DST: variants seen among roughly 807,000 people sequenced by gnomAD.
DST encodes bullous pemphigoid antigen.
Under a neutral mutation model 875.2 loss-of-function variants are expected in DST, and 253 were observed. That is an observed-to-expected ratio of 0.29 (90% confidence interval 0.26 to 0.32). The LOEUF (loss-of-function observed/expected upper bound fraction) is 0.32. Among genes scored for constraint, DST ranks in the 10% least tolerant of loss-of-function variants. The probability of loss-of-function intolerance (pLI) is 1.00; values close to 1 mark genes in which losing one functional copy is unlikely to be tolerated. For missense variants in DST, 8,287 were observed against 9,111.6 expected (o/e 0.91, Z 3.68); for synonymous variants, 3,124 against 3,197.1 (o/e 0.98, Z 0.77).
intron 2 of DST, among the ~76,000 whole-genome samples, chr6:56,927,890 G>C (rs749589835): frequency 7.2e-5 from 11 of 152,162 alleles, no homozygotes; most frequent in Non-Finnish European, 1.6e-4. Context: ...GACCATAAAT[G>C]CAAGGAAGCA....
chr6:56,837,758 A>G (rs778820347), intron 4 of DST, among the ~76,000 whole-genome samples: 3 of 152,068 alleles, frequency 2.0e-5, no homozygotes, highest in Non-Finnish European at 4.4e-5. Context: ...CTCCTCTTGG[A>G]GTTTTCCTCC....
At chr6:56,902,746 A>G (rs1168700833) in intron 2 of DST, among the ~76,000 whole-genome samples, 1 of 152,208 alleles carries the variant, frequency 6.6e-6, no homozygotes, top group African/African-American at 2.4e-5. Context: ...CACGTAACTC[A>G]GGAGGTACTA....
intron 36 of DST, chr6:56,615,925 G>A: frequency 6.2e-7 from 1 of 1,614,138 alleles, no homozygotes; most frequent in African/African-American, 1.3e-5. Context: ...GCAGCTGCTG[G>A]GCAAACCCCT....
intron 4 of DST, among the ~76,000 whole-genome samples, chr6:56,837,656 A>G (rs2099795299): frequency 6.6e-6 from 1 of 152,052 alleles, no homozygotes; most frequent in Non-Finnish European, 1.5e-5. Context: ...AATTCTAACC[A>G]ATCCTTTCCC....
chr6:56,577,854 C>G (rs1374726735), intron 50 of DST, among the ~76,000 whole-genome samples: 1 of 152,096 alleles, frequency 6.6e-6, no homozygotes, highest in Non-Finnish European at 1.5e-5. Context: ...TTGGTATAAA[C>G]TAAATACTGT....
chr6:56,653,781 C>T (rs2098989118), intron 10 of DST, among the ~76,000 whole-genome samples: 1 of 152,164 alleles, frequency 6.6e-6, no homozygotes, highest in African/African-American at 2.4e-5. Context: ...GTGGTGGTCC[C>T]TTTGTCTTTC....
chr6:56,759,776 G>A (rs551442985), intron 4 of DST, among the ~76,000 whole-genome samples: 1 of 152,258 alleles, frequency 6.6e-6, no homozygotes, highest in African/African-American at 2.4e-5. Context: ...GTGTGAATCT[G>A]ACTGGATGTG....
intron 3 of DST, among the ~76,000 whole-genome samples, chr6:56,892,404 G>T (rs1788027286): frequency 6.7e-6 from 1 of 148,480 alleles, no homozygotes; most frequent in African/African-American, 2.5e-5. Flanking sequence ...GCTTACTGCA[G>T]CCTGGAACTC....
At chr6:56,763,932 T>G (rs1475171224) in intron 4 of DST, among the ~76,000 whole-genome samples, 1 of 152,112 alleles carries the variant, frequency 6.6e-6, no homozygotes, top group Admixed American at 6.5e-5. Context: ...GAGCTCCCTC[T>G]AATGAAACTA....
chr6:56,552,425 G>A lies in DST; in HGVS notation c.16367C>T (p.Ser5456Phe), dbSNP rs1240644650. 2.5e-6 allele frequency: 4 copies of A among 1,613,840 alleles called. No individual in the cohort carries two copies. Among genetic ancestry groups the A allele is most frequent in the Non-Finnish European group, 3.4e-6 (4 of 1,179,884 alleles). Residue 5456 changes from serine (S) to phenylalanine (F), a missense_variant, in exon 61 of 104, where the codon TCT becomes TTT. Around this residue, in one of 10 missense-constraint regions of DST, gnomAD observed 777 missense variants for 764.8 expected, o/e 1.02. Transcript: ENST00000680361. ...CCTTTTGATTCCAACAAGGTCAGGA[G>A]AGGTTTCTTCTGTGGCTAACATCAT... ...CKMMLATEET[S>F]PDLVGIKRDL...
chr6:56,871,317 A>G, intron 3 of DST: 1 of 883,298 alleles, frequency 1.1e-6, no homozygotes, highest in Non-Finnish European at 1.9e-6. Flanking sequence ...GCATATACGA[A>G]AAGCCACGAA....
At chr6:56,532,635 A>C (rs1363016440) in intron 63 of DST, 125 bp from the exon 64 acceptor site, 35 of 898,320 alleles carry the variant, frequency 3.9e-5, no homozygotes, top group Non-Finnish European at 5.7e-5. Flanking sequence ...ATATGAAAGG[A>C]TCTGAAAAGC....
At position 56,572,363 on chromosome 6, in the gene DST, CATA is replaced by C. The variant is rs1167288243; in HGVS notation, c.13555-100_13555-98del. The stretch of plus-strand genomic sequence containing the variant: ...TGTGCGGGATCAGAATGGCTCTATT[CATA>C]ATTTCACATAAGAATGAGTCTGCCT... On this transcript the variant is annotated intron_variant, in intron 52 of 103. Transcript: ENST00000680361. 7.2e-6 allele frequency: 5 copies of C among 695,980 alleles called. No individual in the cohort carries two copies. In the Admixed American group the frequency reaches 1.4e-4, roughly 20 times the overall value. The allele number at this position is 695,980 out of a possible 1,614,324, so 43.1% of individuals were successfully genotyped here.
At chr6:56,822,372 G>A (rs1209224432) in intron 4 of DST, among the ~76,000 whole-genome samples, 1 of 152,152 alleles carries the variant, frequency 6.6e-6, no homozygotes, top group Non-Finnish European at 1.5e-5. Context: ...GGACGCAGGG[G>A]GAGGCAGCAG....
At chr6:56,709,912 AT>A (rs2099356169) in intron 5 of DST, among the ~76,000 whole-genome samples, 1 of 152,182 alleles carries the variant, frequency 6.6e-6, no homozygotes, top group Middle Eastern at 3.2e-3. Context: ...ACAAAACTAC[AT>A]ATGAGTTGCA....
intron 2 of DST, among the ~76,000 whole-genome samples, chr6:56,929,285 T>C (rs541363908): frequency 1.8e-4 from 27 of 152,280 alleles, no homozygotes; most frequent in African/African-American, 6.5e-4. Context: ...CAGCATTGAT[T>C]GTAATAATGA....
At chr6:56,684,443 A>C (rs2099170711) in intron 9 of DST, among the ~76,000 whole-genome samples, 1 of 152,228 alleles carries the variant, frequency 6.6e-6, no homozygotes, top group South Asian at 2.1e-4. Context: ...TTATATAATG[A>C]AGATTAAGAA....
rs757670804 is a variant in DST at position 56,485,485 on chromosome 6, T to C, written c.21048-14A>G. On this transcript the variant is annotated splice_polypyrimidine_tract_variant and intron_variant, in intron 87 of 103. Transcript: ENST00000680361. ...AATTTGTTTTGTCTAGGGAAAAAGG[T>C]AGAAAAATTGATCCTTGCAACAAAA... 7 of 1,609,406 alleles carry C rather than the reference T, an allele frequency of 4.3e-6. No homozygotes were observed. The highest frequency in any genetic ancestry group is 5.1e-6 in the Non-Finnish European group (6 of 1,177,774).
chr6:56,714,460 A>T lies in DST; in HGVS notation c.688-10091T>A, dbSNP rs1302996327. Among the ~76,000 whole-genome samples, 3 of 152,210 alleles carry T rather than the reference A, an allele frequency of 2.0e-5. No homozygotes were observed. Among genetic ancestry groups the T allele is most frequent in the Admixed American group, 2.0e-4 (3 of 15,280 alleles). Reference sequence around the variant, plus strand: ...CTAGTTTTCCCAGTTGTAAAAGCCCAGTGTCACAGAAGAGGTACTGCACTG... The same window carrying T: ...CTAGTTTTCCCAGTTGTAAAAGCCCTGTGTCACAGAAGAGGTACTGCACTG... On this transcript the variant is annotated intron_variant, in intron 5 of 103. Transcript: ENST00000680361. The surrounding 1 kb of genome is among the most constrained non-coding windows in gnomAD (Gnocchi z 4.5).
Sources: allele counts gnomAD v4.1 joint callset (sites outside exome capture counted in the v4.1 genomes callset), GRCh38; gene constraint gnomAD v4.1.1; regional missense constraint gnomAD v4.1.1; non-coding constraint Gnocchi (gnomAD v3.1); transcripts MANE v1.5; gene names NCBI Gene and HGNC (gene_info 2026-07-23, HGNC 2026-07-21).